Variants in PLEKHA6 observed in about 807,000 individuals in gnomAD.
PLEKHA6 encodes the protein pleckstrin homology domain-containing family A member 6.
Under a neutral mutation model 116.7 loss-of-function variants are expected in PLEKHA6, and 60 were observed. The observed-to-expected ratio is 0.51, with a 90% CI of 0.42 to 0.64. The LOEUF (loss-of-function observed/expected upper bound fraction) is 0.64. Among genes scored for constraint, PLEKHA6 ranks in the 30% least tolerant of loss-of-function variants. The probability of loss-of-function intolerance (pLI) is 0.00; values close to 1 mark genes in which losing one functional copy is unlikely to be tolerated. For synonymous variants in PLEKHA6, 489 were observed against 556.1 expected, an observed-to-expected ratio of 0.88 and a Z score of 1.70; for missense variants, 1,338 against 1,422.7, an observed-to-expected ratio of 0.94 and a Z score of 0.96.
intron 21 of PLEKHA6, among the ~76,000 whole-genome samples, chr1:204,224,568 A>G (rs1294599979): frequency 6.6e-6 from 1 of 152,122 alleles, no homozygotes; most frequent in Non-Finnish European, 1.5e-5. Context: ...GGCTACTGTC[A>G]TTACATATCT....
At chr1:204,329,478 G>C (rs1672370011) in intron 1 of PLEKHA6, among the ~76,000 whole-genome samples, 1 of 152,170 alleles carries the variant, frequency 6.6e-6, no homozygotes, top group African/African-American at 2.4e-5. Flanking sequence ...GTCATTAATA[G>C]GCAATTAGCC....
At position 204,245,629 on chromosome 1, in the gene PLEKHA6, G is replaced by T. The variant is rs535032001; in HGVS notation, c.2018C>A (p.Thr673Asn). 1.2e-5 allele frequency: 19 copies of T among 1,608,654 alleles called. No homozygotes were observed. Among genetic ancestry groups the T allele is most frequent in the Admixed American group, 1.7e-5 (1 of 59,966 alleles). ...RKNNPSRGTD[T>N]AKHRGGLGPS... ...GAGGCACCCACCTCTGTGCTTGGCG[G>T]TGTCCGTGCCCCGGGAGGGGTTGTT... The change falls in exon 14 of 23, where the codon ACC (threonine) becomes AAC (asparagine). Residue 673 changes from threonine (T) to asparagine (N), a missense_variant. Thr to Asn is a moderately conservative substitution (Grantham distance 65). Transcript: ENST00000272203.
chr1:204,299,084 C>T (rs1355985659), intron 1 of PLEKHA6, among the ~76,000 whole-genome samples: 1 of 152,172 alleles, frequency 6.6e-6, no homozygotes, highest in Non-Finnish European at 1.5e-5. Flanking sequence ...ACCCCAGCTC[C>T]CTTATAATTA....
chr1:204,243,721 A>C (rs973484737), intron 15 of PLEKHA6, among the ~76,000 whole-genome samples: 4 of 152,210 alleles, frequency 2.6e-5, no homozygotes, highest in Non-Finnish European at 5.9e-5. Context: ...ATATGCCGTC[A>C]TGTTCCTATG....
chr1:204,277,042 C>G lies in PLEKHA6; in HGVS notation c.-94-2233G>C, dbSNP rs4532911. The G allele has an allele frequency of 1.3e-5, 2 of 152,542 alleles. No homozygotes were observed. The highest frequency in any genetic ancestry group is 4.8e-5 in the African/African-American group (2 of 41,366). The allele number at this position is 152,542 out of a possible 1,614,324, so 9.4% of individuals were successfully genotyped here. A position where few individuals can be genotyped will look rare whatever the true frequency, so the allele number is the denominator to read the frequency against. ...AACTTCAACATCTTTTTGGCAGCTC[C>G]GTCCCCAGTTTGGCAGCCTCAGAGG... On this transcript the variant is annotated intron_variant, in intron 1 of 22. Coordinates refer to ENST00000272203, the MANE Select transcript of PLEKHA6 (RefSeq NM_014935.5). The surrounding 1 kb of genome is among the most constrained non-coding windows in gnomAD (Gnocchi z 4.1).
intron 1 of PLEKHA6, among the ~76,000 whole-genome samples, chr1:204,348,714 A>ACCCCCCCCCCCCCCCCTCC (rs3038282): frequency 7.3e-6 from 1 of 136,642 alleles, no homozygotes; most frequent in Non-Finnish European, 1.5e-5. Context: ...CAGGTGCCAA[A>ACCCCCCCCCCCCCCCCTCC]CCCCCCCCCC....
chr1:204,356,613 T>C (rs1050281774), intron 1 of PLEKHA6, among the ~76,000 whole-genome samples: 9 of 150,288 alleles, frequency 6.0e-5, no homozygotes, highest in African/African-American at 2.0e-4. Context: ...TGTTAAAGAA[T>C]ATTTAATAAT....
chr1:204,260,137 A>G (rs1481918155), intron 7 of PLEKHA6, among the ~76,000 whole-genome samples: 1 of 152,078 alleles, frequency 6.6e-6, no homozygotes, highest in Non-Finnish European at 1.5e-5. Context: ...TTGCACTCAC[A>G]TCAGTAACTG....
chr1:204,358,729 A>G (rs1041675217), intron 1 of PLEKHA6, among the ~76,000 whole-genome samples: 1 of 149,998 alleles, frequency 6.7e-6, no homozygotes, highest in African/African-American at 2.5e-5. Flanking sequence ...ACCACCTTCC[A>G]CCCTCCTGCA....
chr1:204,247,138 A>G lies in PLEKHA6; in HGVS notation c.1920+227T>C, dbSNP rs79815464. 9.6e-3 allele frequency among the ~76,000 whole-genome samples: 1,469 copies of G among 152,266 alleles called. 16 individuals are homozygous for G. The highest frequency in any genetic ancestry group is 0.032 in the African/African-American group (1,344 of 41,538). The stretch of plus-strand genomic sequence containing the variant: ...GGCAACAGAGCAAGACCCCATCCCA[A>G]GAGGAAAAAAAATCCTTTCAGTCAT... On this transcript the variant is annotated intron_variant, in intron 13 of 22. Coordinates refer to ENST00000272203, the MANE Select transcript of PLEKHA6 (RefSeq NM_014935.5).
At chr1:204,240,488 T>C (rs1483515957) in intron 17 of PLEKHA6, among the ~76,000 whole-genome samples, 1 of 152,370 alleles carries the variant, frequency 6.6e-6, no homozygotes, top group East Asian at 1.9e-4. Context: ...ATGTATACAC[T>C]TGTGCTAAGG....
intron 1 of PLEKHA6, chr1:204,275,871 T>TA (rs1408549600): frequency 4.3e-6 from 1 of 231,998 alleles, no homozygotes; most frequent in African/African-American, 2.3e-5. Context: ...GAACCCAGAG[T>TA]AGGTGCCAAA....
chr1:204,281,927 C>T (rs964764928), intron 1 of PLEKHA6, among the ~76,000 whole-genome samples: 1 of 152,156 alleles, frequency 6.6e-6, no homozygotes, highest in Non-Finnish European at 1.5e-5. Flanking sequence ...CTGTTATGGG[C>T]AGTTATGGAA....
chr1:204,234,422 G>A (rs2102476013), intron 17 of PLEKHA6, among the ~76,000 whole-genome samples: 1 of 152,316 alleles, frequency 6.6e-6, no homozygotes, highest in South Asian at 2.1e-4. Context: ...GTGGTAATTT[G>A]TTAACTCCTG....
intron 1 of PLEKHA6, among the ~76,000 whole-genome samples, chr1:204,302,098 G>A (rs913136533): frequency 6.6e-6 from 1 of 152,202 alleles, no homozygotes; most frequent in Non-Finnish European, 1.5e-5. Flanking sequence ...GAAATTCTTA[G>A]AAACGCCCTA....
In PLEKHA6 at chr1:204,328,158, C is replaced by T. The variant is rs144783800; in HGVS notation, c.-95+31536G>A. 9.7e-3 allele frequency among the ~76,000 whole-genome samples: 1,480 copies of T among 151,876 alleles called. 33 individuals are homozygous for T. The highest frequency in any genetic ancestry group is 0.032 in the African/African-American group (1,342 of 41,392). On this transcript the variant is annotated intron_variant, in intron 1 of 22. Coordinates refer to ENST00000272203, the MANE Select transcript of PLEKHA6 (RefSeq NM_014935.5). ...AGTGCAGAGGCGTGATCTCGGCTCA[C>T]CACAACCTCTGCCTCCTGGGTTCAA...
intron 1 of PLEKHA6, among the ~76,000 whole-genome samples, chr1:204,283,419 A>G (rs1408975012): frequency 1.3e-5 from 2 of 152,238 alleles, no homozygotes; most frequent in Non-Finnish European, 2.9e-5. Context: ...TGGACCAGAG[A>G]GCAGAGGAAG....
intron 1 of PLEKHA6, among the ~76,000 whole-genome samples, chr1:204,345,284 T>G (rs1041413824): frequency 6.6e-6 from 1 of 151,804 alleles, no homozygotes; most frequent in Non-Finnish European, 1.5e-5. Context: ...GTCTAGACAC[T>G]CTCTGTCTCC....
rs1252399381 is a variant in PLEKHA6, at chr1:204,220,071, G to C, written c.*2717C>G. On this transcript the variant is annotated 3_prime_UTR_variant, in exon 23 of 23. Coordinates refer to ENST00000272203, the MANE Select transcript of PLEKHA6 (RefSeq NM_014935.5). Reference sequence around the variant, plus strand: ...TATGTGTCTGTGCTACAGGGCCAGGGATGGCCCAGAGGATCCCAAGCCGCC... The same window carrying C: ...TATGTGTCTGTGCTACAGGGCCAGGCATGGCCCAGAGGATCCCAAGCCGCC... The C allele has an allele frequency of 6.6e-6, 1 of 152,246 alleles. No homozygotes were observed. The highest frequency in any genetic ancestry group is 6.5e-5 in the Admixed American group (1 of 15,284). 9.4% of individuals were successfully genotyped at this position (152,246 alleles called of 1,614,324 possible).
Sources: allele counts gnomAD v4.1 joint callset (sites outside exome capture counted in the v4.1 genomes callset), GRCh38; gene constraint gnomAD v4.1.1; non-coding constraint Gnocchi (gnomAD v3.1); transcripts MANE v1.5; gene names NCBI Gene and HGNC (gene_info 2026-07-23, HGNC 2026-07-21).